Variants in WWC1 observed in about 807,000 individuals in gnomAD.
The protein encoded by WWC1 is protein KIBRA.
A neutral mutation model predicts 138.4 loss-of-function variants in WWC1; 55 were observed. The ratio of observed to expected loss-of-function variants is 0.40; its 90% CI spans 0.32 to 0.50. WWC1 has a LOEUF of 0.50. Among genes scored for constraint, WWC1 ranks in the 20% least tolerant of loss-of-function variants. WWC1 has a pLI of 0.72. For missense variants in WWC1, 1,226 were observed against 1,420.4 expected, an observed-to-expected ratio of 0.86 and a Z score of 2.20; for synonymous variants, 524 against 564.9, an observed-to-expected ratio of 0.93 and a Z score of 1.03.
chr5:168,351,701 A>C (rs1036685114), intron 1 of WWC1, among the ~76,000 whole-genome samples: 17 of 152,188 alleles, frequency 1.1e-4, no homozygotes, highest in Admixed American at 3.9e-4. Flanking sequence ...TGGGCAGCCC[A>C]GGCAAAGAGG....
chr5:168,407,588 G>A (rs1349710524), intron 6 of WWC1, among the ~76,000 whole-genome samples: 1 of 152,220 alleles, frequency 6.6e-6, no homozygotes, highest in East Asian at 1.9e-4. Context: ...AGAGCTCATG[G>A]ACAGTGAGGC....
At chr5:168,333,971 T>G (rs575105894) in intron 1 of WWC1, among the ~76,000 whole-genome samples, 1 of 145,564 alleles carries the variant, frequency 6.9e-6, no homozygotes, top group South Asian at 2.2e-4. Flanking sequence ...CACAACACTT[T>G]GTGAAGCCAA....
intron 22 of WWC1, 124 bp downstream of exon 22, chr5:168,468,088 T>G (rs1307597189): frequency 6.8e-7 from 1 of 1,479,432 alleles, no homozygotes; most frequent in East Asian, 2.3e-5. Context: ...CTGTAACAGA[T>G]GTTCATCCTC....
At chr5:168,372,828 A>G (rs1368275573) in intron 2 of WWC1, among the ~76,000 whole-genome samples, 2 of 152,310 alleles carry the variant, frequency 1.3e-5, no homozygotes, top group East Asian at 3.9e-4. Context: ...GGTCTCCTAG[A>G]GCAGAGACTG....
chr5:168,350,545 C>T (rs766913701), intron 1 of WWC1, among the ~76,000 whole-genome samples: 1 of 152,202 alleles, frequency 6.6e-6, no homozygotes, highest in Admixed American at 6.5e-5. Flanking sequence ...GTTGAGCATG[C>T]CTCTTCTGGA....
Position 168,387,955 on chromosome 5 carries a change from T to G in WWC1, c.433+2541T>G, listed in dbSNP as rs184319776. Among the ~76,000 whole-genome samples, 454 of 152,262 alleles carry G rather than the reference T, an allele frequency of 3.0e-3. 4 individuals carry two copies. Among genetic ancestry groups the G allele is most frequent in the Non-Finnish European group, 5.3e-3 (362 of 68,030 alleles). The stretch of plus-strand genomic sequence containing the variant: ...TCCCACAGTTTGAAAAAGTGTCAGG[T>G]GTATATAAAAACAAAAACAAACCTT... On this transcript the variant is annotated intron_variant, in intron 3 of 22. Transcript: ENST00000265293.
chr5:168,299,085 C>CA (rs933662268), intron 1 of WWC1, among the ~76,000 whole-genome samples: 6 of 150,664 alleles, frequency 4.0e-5, no homozygotes, highest in Non-Finnish European at 3.0e-5. Context: ...AACGCCATCT[C>CA]AAAAAAAAAG....
At chr5:168,415,075 G>GTTGCAGT (rs1200631776) in intron 9 of WWC1, 1 of 166,602 alleles carries the variant, frequency 6.0e-6, no homozygotes, top group Non-Finnish European at 1.3e-5. Context: ...TAAGTAAGGG[G>GTTGCAGT]TTGCAGTTTG....
intron 19 of WWC1, among the ~76,000 whole-genome samples, chr5:168,456,071 A>C (rs959393343): frequency 6.6e-6 from 1 of 152,016 alleles, no homozygotes; most frequent in African/African-American, 2.4e-5. Context: ...AGGCTGAGGC[A>C]GGAGGGTCAC....
intron 8 of WWC1, among the ~76,000 whole-genome samples, chr5:168,413,452 C>T (rs546726648): frequency 3.3e-5 from 5 of 152,222 alleles, no homozygotes; most frequent in African/African-American, 9.6e-5. Context: ...CTCACATAAC[C>T]CACCCTATAG....
intron 1 of WWC1, among the ~76,000 whole-genome samples, chr5:168,328,062 C>T (rs149544383): frequency 6.6e-6 from 1 of 152,280 alleles, no homozygotes; most frequent in Non-Finnish European, 1.5e-5. Flanking sequence ...TTAAGGTCTC[C>T]CAGCTAACAG....
In WWC1 at chr5:168,431,379, C is replaced by T. The variant is rs1781924101; in HGVS notation, c.2215C>T (p.Leu739Phe). ...CTGGGTATCCATGTCCTATCCAGCC[C>T]TTCACCAGAAGACCTTAAGAGTCGA... ...VFWVSMSYPA[L>F]HQKTLRVDVC... is the part of the protein sequence containing the mutation. The change falls in exon 15 of 23, where the codon CTT (leucine) becomes TTT (phenylalanine). Residue 739 changes from leucine (L) to phenylalanine (F), a missense_variant. Physicochemically the swap from Leu to Phe is conservative, Grantham distance 22. This residue lies in a region of WWC1 where 1,016 missense variants were observed against 1,153.9 expected (regional missense o/e 0.88). Transcript: ENST00000265293. The T allele has an allele frequency of 6.2e-7, 1 of 1,614,002 alleles. No individual in the cohort carries two copies. The highest frequency in any genetic ancestry group is 1.7e-5 in the Admixed American group (1 of 60,004).
intron 10 of WWC1, among the ~76,000 whole-genome samples, chr5:168,423,145 C>CG (rs1276468082): frequency 3.4e-5 from 3 of 89,480 alleles, no homozygotes; most frequent in East Asian, 4.6e-4. Context: ...ACTCCATCCC[C>CG]CCCCAAAAAA....
At chr5:168,380,064 G>T (rs1043714879) in intron 2 of WWC1, among the ~76,000 whole-genome samples, 2 of 152,214 alleles carry the variant, frequency 1.3e-5, no homozygotes, top group Non-Finnish European at 2.9e-5. Context: ...AAACTGAAAA[G>T]ACAAGCCACA....
chr5:168,303,758 C>T (rs980369031), intron 1 of WWC1, among the ~76,000 whole-genome samples: 1 of 152,166 alleles, frequency 6.6e-6, no homozygotes, highest in Non-Finnish European at 1.5e-5. Context: ...CTCAGTGGAA[C>T]TGAGCCAGGA....
intron 1 of WWC1, among the ~76,000 whole-genome samples, chr5:168,344,867 A>G (rs1033175744): frequency 5.9e-5 from 9 of 152,338 alleles, no homozygotes; most frequent in African/African-American, 2.2e-4. Context: ...ATTTTAAAGT[A>G]TATTTATACT....
intron 5 of WWC1, among the ~76,000 whole-genome samples, chr5:168,401,228 A>G (rs879886250): frequency 3.3e-5 from 5 of 152,224 alleles, no homozygotes; most frequent in African/African-American, 9.6e-5. Flanking sequence ...AATTGTGTTC[A>G]GTGTATCCAA....
At chr5:168,364,143 T>C (rs1274079034) in intron 1 of WWC1, among the ~76,000 whole-genome samples, 1 of 151,788 alleles carries the variant, frequency 6.6e-6, no homozygotes, top group African/African-American at 2.4e-5. Context: ...CCTGTGTAAG[T>C]TTCACAGAGA....
intron 1 of WWC1, among the ~76,000 whole-genome samples, chr5:168,358,707 T>A (rs1207398550): frequency 6.6e-6 from 1 of 152,196 alleles, no homozygotes; most frequent in Non-Finnish European, 1.5e-5. Flanking sequence ...TTTTCTTTTT[T>A]CTTACAACTT....
Sources: allele counts gnomAD v4.1 joint callset (sites outside exome capture counted in the v4.1 genomes callset), GRCh38; gene constraint gnomAD v4.1.1; regional missense constraint gnomAD v4.1.1; transcripts MANE v1.5; gene names NCBI Gene and HGNC (gene_info 2026-07-23, HGNC 2026-07-21).